The following CEP112 variants were observed in gnomAD, a reference collection of about 807,000 sequenced individuals.
CEP112 encodes centrosomal protein 112.
Under a neutral mutation model 153.0 loss-of-function variants are expected in CEP112, and 127 were observed. That is an observed-to-expected ratio of 0.83 (90% CI 0.72 to 0.96). CEP112 has a LOEUF of 0.96. CEP112 is among the 40% of genes least tolerant of loss of function. The pLI is 0.00. For synonymous variants in CEP112, 358 were observed against 374.4 expected, an observed-to-expected ratio of 0.96 and a Z score of 0.51; for missense variants, 1,089 against 1,101.2, an observed-to-expected ratio of 0.99 and a Z score of 0.16.
At chr17:65,918,074 G>GGAGGCTGAGGCAGGAGAATTGCTT (rs1406453485) in intron 19 of CEP112, among the ~76,000 whole-genome samples, 1 of 151,764 alleles carries the variant, frequency 6.6e-6, no homozygotes, top group African/African-American at 2.4e-5. Flanking sequence ...CAGCTACTTG[G>GGAGGCTGAGGCAGGAGAATTGCTT]GAGGCTGAGG....
At chr17:66,047,873 A>G (rs3933133) in intron 12 of CEP112, among the ~76,000 whole-genome samples, 62,454 of 152,010 alleles carry the variant, frequency 0.41, 14,291 homozygotes, top group East Asian at 0.87. Flanking sequence ...ATCCCTTGCC[A>G]TCTGTGGGAA....
At chr17:66,112,031 C>T (rs1463269309) in intron 6 of CEP112, among the ~76,000 whole-genome samples, 4 of 152,154 alleles carry the variant, frequency 2.6e-5, no homozygotes, top group Non-Finnish European at 5.9e-5. Flanking sequence ...TGGCTCACAC[C>T]TGTAATCCCA....
intron 17 of CEP112, among the ~76,000 whole-genome samples, chr17:65,975,213 C>T (rs922990172): frequency 1.3e-5 from 2 of 152,060 alleles, no homozygotes; most frequent in African/African-American, 4.8e-5. Flanking sequence ...AAACCGTTTC[C>T]TGCTATTCTA....
At chr17:65,692,617 CTCTTT>C (rs1349743050) in intron 23 of CEP112, among the ~76,000 whole-genome samples, 1 of 152,162 alleles carries the variant, frequency 6.6e-6, no homozygotes, top group Non-Finnish European at 1.5e-5. Flanking sequence ...TACTGATTTT[CTCTTT>C]TCTTTGCCTG....
At chr17:66,112,523 G>A (rs1269298021) in intron 6 of CEP112, among the ~76,000 whole-genome samples, 1 of 152,062 alleles carries the variant, frequency 6.6e-6, no homozygotes, top group Non-Finnish European at 1.5e-5. Context: ...CAATAAAAAT[G>A]TTCAAGATGT....
intron 8 of CEP112, among the ~76,000 whole-genome samples, chr17:66,076,598 C>A (rs532834885): frequency 1.3e-5 from 2 of 152,150 alleles, no homozygotes; most frequent in Non-Finnish European, 2.9e-5. Flanking sequence ...GCCCTGCCCC[C>A]ACCTGCTGGG....
intron 20 of CEP112, chr17:65,872,986 T>C (rs918285091): frequency 6.6e-6 from 1 of 152,152 alleles, no homozygotes; most frequent in Non-Finnish European, 1.5e-5. Flanking sequence ...CACCTGATAG[T>C]AGATGAGGTA....
At chr17:66,096,480 T>C in intron 7 of CEP112, 105 bp downstream of exon 7, 2 of 1,139,352 alleles carry the variant, frequency 1.8e-6, no homozygotes, top group Non-Finnish European at 2.6e-6. Context: ...CAAAAACTAT[T>C]ATGTTTCCTA....
chr17:65,737,653 T>C (rs1567940095), intron 23 of CEP112, among the ~76,000 whole-genome samples: 1 of 152,212 alleles, frequency 6.6e-6, no homozygotes, highest in Non-Finnish European at 1.5e-5. Flanking sequence ...AGATGCATGC[T>C]GGCTTGTGCG....
chr17:66,112,761 T>C (rs1282003273), intron 6 of CEP112, among the ~76,000 whole-genome samples: 1 of 152,138 alleles, frequency 6.6e-6, no homozygotes, highest in Non-Finnish European at 1.5e-5. Context: ...AAGGCCAACA[T>C]GGCAAAACCC....
chr17:65,852,701 T>C (rs985300661), intron 20 of CEP112, among the ~76,000 whole-genome samples: 1 of 151,840 alleles, frequency 6.6e-6, no homozygotes, highest in Non-Finnish European at 1.5e-5. Flanking sequence ...TTCAACATCA[T>C]CATGTTCCTG....
At chr17:65,969,101 A>G (rs1255755863) in intron 17 of CEP112, among the ~76,000 whole-genome samples, 1 of 70,970 alleles carries the variant, frequency 1.4e-5, no homozygotes, top group African/African-American at 4.5e-5. Context: ...TTTTTTTTTG[A>G]GACAATGTCT....
At chr17:66,155,330 C>T (rs1398812395) in intron 4 of CEP112, among the ~76,000 whole-genome samples, 1 of 152,094 alleles carries the variant, frequency 6.6e-6, no homozygotes, top group African/African-American at 2.4e-5. Context: ...CCATGAGGGA[C>T]TGTGCCGTGA....
At chr17:65,861,870 T>A (rs1420580749) in intron 20 of CEP112, among the ~76,000 whole-genome samples, 1 of 152,244 alleles carries the variant, frequency 6.6e-6, no homozygotes, top group Non-Finnish European at 1.5e-5. Context: ...ATAAGCTATA[T>A]CTGTTGAGAA....
chr17:65,888,265 C>T (rs924889348), intron 20 of CEP112, among the ~76,000 whole-genome samples: 2 of 152,182 alleles, frequency 1.3e-5, no homozygotes, highest in African/African-American at 4.8e-5. Context: ...AAGACTCCCC[C>T]GTTTCCTTCA....
intron 23 of CEP112, among the ~76,000 whole-genome samples, chr17:65,713,879 C>T (rs956608680): frequency 6.6e-6 from 1 of 152,142 alleles, no homozygotes; most frequent in Non-Finnish European, 1.5e-5. Flanking sequence ...TGAGTCACCA[C>T]GCCCAGCCGT....
intron 23 of CEP112, among the ~76,000 whole-genome samples, chr17:65,697,675 G>A (rs1238323839): frequency 6.6e-6 from 1 of 152,152 alleles, no homozygotes; most frequent in South Asian, 2.1e-4. Flanking sequence ...GTGGTCTCAC[G>A]GGCTATTTAC....
At chr17:66,186,395 G>C (rs230604) in intron 1 of CEP112, among the ~76,000 whole-genome samples, 1 of 151,860 alleles carries the variant, frequency 6.6e-6, no homozygotes, top group Non-Finnish European at 1.5e-5. Flanking sequence ...TCCACCTCCC[G>C]GGTTCAAGGG....
intron 23 of CEP112, among the ~76,000 whole-genome samples, chr17:65,711,544 C>T (rs772391800): frequency 1.3e-4 from 20 of 152,148 alleles, no homozygotes; most frequent in Non-Finnish European, 2.4e-4. Flanking sequence ...ATATATCACA[C>T]TTTTGTTAAG....
Sources: gnomAD v4.1 joint callset for allele counts (sites outside exome capture counted in the v4.1 genomes callset) on GRCh38, gnomAD v4.1.1 for gene constraint, MANE v1.5 for transcripts, NCBI Gene and HGNC (gene_info 2026-07-23, HGNC 2026-07-21) for gene names.